ZMIZ1: variants seen among roughly 807,000 people sequenced by gnomAD.
The protein encoded by ZMIZ1 is zinc finger MIZ-type containing 1, also known as zinc finger MIZ domain-containing protein 1.
In ZMIZ1, 17 loss-of-function variants were observed where a neutral mutation model predicts 113.9. The observed-to-expected ratio is 0.15, with a 90% confidence interval of 0.10 to 0.22. The LOEUF (loss-of-function observed/expected upper bound fraction) is 0.22, where lower values mean the gene tolerates loss of function less well. Among genes scored for constraint, ZMIZ1 ranks in the 10% least tolerant of loss-of-function variants. The pLI is 1.00. For missense variants in ZMIZ1, 1,059 were observed against 1,477.8 expected (o/e 0.72, Z 4.65); for synonymous variants, 607 against 603.1 (o/e 1.01, Z -0.09).
chr10:79,079,872 G>C (rs1261477576), intron 1 of ZMIZ1, among the ~76,000 whole-genome samples: 1 of 152,256 alleles, frequency 6.6e-6, no homozygotes, highest in Admixed American at 6.5e-5. Flanking sequence ...CAGGAGGTCA[G>C]CTTCTGCTCT....
At chr10:79,272,568 CG>C (rs1186247716) in intron 7 of ZMIZ1, among the ~76,000 whole-genome samples, 3 of 152,066 alleles carry the variant, frequency 2.0e-5, no homozygotes, top group African/African-American at 7.3e-5. Context: ...GGGCCATGTG[CG>C]GTTTCAGCAG....
chr10:79,248,377 G>T (rs1850337064), intron 7 of ZMIZ1, among the ~76,000 whole-genome samples: 1 of 152,160 alleles, frequency 6.6e-6, no homozygotes, highest in African/African-American at 2.4e-5. Context: ...TGGCAGGGGG[G>T]AGGTTAGCAG....
chr10:79,297,160 A>T (rs945702563), intron 13 of ZMIZ1, among the ~76,000 whole-genome samples: 1 of 152,080 alleles, frequency 6.6e-6, no homozygotes, highest in Non-Finnish European at 1.5e-5. Context: ...ATCATATTTT[A>T]TTATTCCTTC....
intron 23 of ZMIZ1, among the ~76,000 whole-genome samples, chr10:79,308,977 G>A (rs1261718641): frequency 6.6e-6 from 1 of 152,184 alleles, no homozygotes; most frequent in Non-Finnish European, 1.5e-5. Context: ...ATGCTCTCTA[G>A]ATGGTCCTGT....
chr10:79,201,440 G>T (rs545782497), intron 4 of ZMIZ1, 144 bp from the exon 5 acceptor site: 1 of 644,788 alleles, frequency 1.6e-6, no homozygotes. Flanking sequence ...CCTCAGCCCA[G>T]TGGGGTACCC....
At chr10:79,176,944 A>G (rs918876359) in intron 4 of ZMIZ1, among the ~76,000 whole-genome samples, 6 of 152,236 alleles carry the variant, frequency 3.9e-5, no homozygotes, top group African/African-American at 1.4e-4. Flanking sequence ...TCTCCAGTGC[A>G]TCTGCTGCTG....
intron 4 of ZMIZ1, among the ~76,000 whole-genome samples, chr10:79,196,792 T>C (rs1847852669): frequency 6.6e-6 from 1 of 152,214 alleles, no homozygotes; most frequent in Non-Finnish European, 1.5e-5. Context: ...GGACACAATG[T>C]CAGGAGAAAG....
chr10:79,294,564 A>C (rs1376500386), intron 12 of ZMIZ1: 3 of 152,288 alleles, frequency 2.0e-5, no homozygotes, highest in African/African-American at 7.2e-5. Context: ...AAATCCTCAG[A>C]AAATGATGCT....
chr10:79,275,388 A>C (rs1042863010), intron 7 of ZMIZ1, among the ~76,000 whole-genome samples: 5 of 152,210 alleles, frequency 3.3e-5, no homozygotes, highest in African/African-American at 1.2e-4. Flanking sequence ...AGGGAGAAAC[A>C]GGGCCCCTCT....
intron 6 of ZMIZ1, among the ~76,000 whole-genome samples, chr10:79,212,333 T>A (rs1161344238): frequency 6.6e-6 from 1 of 151,026 alleles, no homozygotes; most frequent in Non-Finnish European, 1.5e-5. Flanking sequence ...AATTTTTAAA[T>A]TTTTTTTTAA....
intron 1 of ZMIZ1, among the ~76,000 whole-genome samples, chr10:79,111,461 T>C (rs186020836): frequency 6.6e-6 from 1 of 152,302 alleles, no homozygotes; most frequent in East Asian, 1.9e-4. Context: ...AAGTTTGGCC[T>C]GCCCTGGACC....
chr10:79,183,549 G>T (rs1349101459), intron 4 of ZMIZ1, among the ~76,000 whole-genome samples: 1 of 152,204 alleles, frequency 6.6e-6, no homozygotes, highest in Admixed American at 6.5e-5. Context: ...CTGGGAGACG[G>T]TATCCCCATG....
At chr10:79,243,342 C>T (rs1386139972) in intron 7 of ZMIZ1, among the ~76,000 whole-genome samples, 2 of 150,054 alleles carry the variant, frequency 1.3e-5, no homozygotes, top group East Asian at 3.9e-4. Context: ...CGGCTGGCTG[C>T]CTCCTCGGCG....
chr10:79,224,721 G>A (rs1162140081), intron 7 of ZMIZ1, among the ~76,000 whole-genome samples: 1 of 152,226 alleles, frequency 6.6e-6, no homozygotes, highest in South Asian at 2.1e-4. Context: ...GAGGTCTGTA[G>A]TAGGGGAAGG....
At chr10:79,228,354 C>G (rs1205590949) in intron 7 of ZMIZ1, among the ~76,000 whole-genome samples, 1 of 152,176 alleles carries the variant, frequency 6.6e-6, no homozygotes, top group Non-Finnish European at 1.5e-5. Flanking sequence ...GATGTGTGGG[C>G]CCTTGAGTCT....
chr10:79,215,056 G>A (rs531836932), intron 6 of ZMIZ1, among the ~76,000 whole-genome samples: 48 of 152,254 alleles, frequency 3.2e-4, no homozygotes, highest in Admixed American at 4.6e-4. Flanking sequence ...TTAAGGAGAT[G>A]GGTGGGACCT....
chr10:79,171,786 G>A (rs1846613194), intron 4 of ZMIZ1, among the ~76,000 whole-genome samples: 1 of 152,146 alleles, frequency 6.6e-6, no homozygotes, highest in African/African-American at 2.4e-5. Context: ...ATTTCAGGTG[G>A]GGCTAGGGCT....
intron 15 of ZMIZ1, among the ~76,000 whole-genome samples, chr10:79,298,833 T>C (rs2296427): frequency 1.3e-5 from 2 of 152,026 alleles, no homozygotes; most frequent in African/African-American, 2.4e-5. Flanking sequence ...AGGAGGCGGG[T>C]GGAAGAAGAG....
intron 1 of ZMIZ1, among the ~76,000 whole-genome samples, chr10:79,111,244 G>T (rs1481346700): frequency 6.6e-6 from 1 of 152,222 alleles, no homozygotes; most frequent in Non-Finnish European, 1.5e-5. Flanking sequence ...GGAGGAGACA[G>T]TTGGTAGACA....
Sources: allele counts gnomAD v4.1 joint callset (sites outside exome capture counted in the v4.1 genomes callset), GRCh38; gene constraint gnomAD v4.1.1; transcripts MANE v1.5; gene names NCBI Gene and HGNC (gene_info 2026-07-23, HGNC 2026-07-21).